KCTD8: variants seen among roughly 807,000 people sequenced by gnomAD.
The protein encoded by KCTD8 is BTB/POZ domain-containing protein KCTD8.
A neutral mutation model predicts 31.5 loss-of-function variants in KCTD8; 27 were observed. The ratio of observed to expected loss-of-function variants is 0.86; its 90% CI spans 0.63 to 1.18. The LOEUF is 1.18. Among genes scored for constraint, KCTD8 ranks in the 50% most tolerant of loss-of-function variants. KCTD8 has a pLI of 0.00. For synonymous variants in KCTD8, 290 were observed against 280.0 expected, an observed-to-expected ratio of 1.04 and a Z score of -0.36; for missense variants, 658 against 647.7, an observed-to-expected ratio of 1.02 and a Z score of -0.17.
intron 1 of KCTD8, among the ~76,000 whole-genome samples, chr4:44,375,052 A>G (rs1719885765): frequency 6.6e-6 from 1 of 152,192 alleles, no homozygotes; most frequent in South Asian, 2.1e-4. Context: ...ATAATTTTAA[A>G]GTATTATGAC....
At chr4:44,322,490 T>G (rs1373997570) in intron 1 of KCTD8, among the ~76,000 whole-genome samples, 1 of 152,090 alleles carries the variant, frequency 6.6e-6, no homozygotes. Context: ...TATAGTCTAG[T>G]AATTAATCCT....
chr4:44,424,450 T>G (rs187528872), intron 1 of KCTD8, among the ~76,000 whole-genome samples: 83 of 152,200 alleles, frequency 5.5e-4, no homozygotes, highest in African/African-American at 2.0e-3. Flanking sequence ...ACCTCTATAC[T>G]TAATGACAGA....
At chr4:44,249,944 A>T (rs1180146785) in intron 1 of KCTD8, among the ~76,000 whole-genome samples, 2 of 151,674 alleles carry the variant, frequency 1.3e-5, no homozygotes, top group Non-Finnish European at 2.9e-5. Flanking sequence ...TCATTCCCTT[A>T]CATGTACCTG....
At chr4:44,188,768 A>G (rs1280523527) in intron 1 of KCTD8, among the ~76,000 whole-genome samples, 1 of 152,202 alleles carries the variant, frequency 6.6e-6, no homozygotes, top group Non-Finnish European at 1.5e-5. Context: ...CAGAGGTTGG[A>G]GTGATGCAGC....
At chr4:44,268,606 C>T (rs1191336601) in intron 1 of KCTD8, among the ~76,000 whole-genome samples, 1 of 151,916 alleles carries the variant, frequency 6.6e-6, no homozygotes, top group Non-Finnish European at 1.5e-5. Context: ...GTCAAATTGT[C>T]CCTGTTTGCA....
At chr4:44,357,030 T>C (rs897327865) in intron 1 of KCTD8, among the ~76,000 whole-genome samples, 1 of 151,586 alleles carries the variant, frequency 6.6e-6, no homozygotes, top group East Asian at 1.9e-4. Context: ...TAAGATGTCA[T>C]GCCATTTCCC....
At chr4:44,303,405 T>C (rs955997746) in intron 1 of KCTD8, among the ~76,000 whole-genome samples, 3 of 152,260 alleles carry the variant, frequency 2.0e-5, no homozygotes, top group African/African-American at 7.2e-5. Context: ...GATCCTGTTA[T>C]TGGTCTATTC....
At chr4:44,225,007 G>C (rs570344504) in intron 1 of KCTD8, among the ~76,000 whole-genome samples, 59 of 152,110 alleles carry the variant, frequency 3.9e-4, no homozygotes, top group Non-Finnish European at 5.4e-4. Flanking sequence ...TTTAAGGGGG[G>C]TTGAGAAATA....
intron 1 of KCTD8, among the ~76,000 whole-genome samples, chr4:44,200,042 C>T (rs6853786): frequency 0.96 from 146,259 of 152,006 alleles, 70,428 homozygotes; most frequent in East Asian, 1. Context: ...TGCACACAAA[C>T]TAGAAAATTT....
chr4:44,447,906 C>T lies in KCTD8; in HGVS notation c.618G>A (p.Ser206=). 4 of 1,508,284 alleles carry T rather than the reference C, an allele frequency of 2.7e-6. No homozygotes were observed. The highest frequency in any genetic ancestry group is 2.7e-5 in the East Asian group (1 of 37,510). 93.4% of individuals were successfully genotyped at this position (1,508,284 alleles called of 1,614,324 possible). A position where few individuals can be genotyped will look rare whatever the true frequency, so the allele number is the denominator to read the frequency against. The change falls in exon 1 of 2, where the codon TCG becomes TCA. Residue 206 remains serine, a synonymous_variant. Coordinates refer to ENST00000360029, the MANE Select transcript of KCTD8 (RefSeq NM_198353.3). Reference sequence around the variant, plus strand: ...CCCGGTAGCCCAGCGTGAGGAAGCCCGAGCGCTTGTCCTGCGCGCCGCCGC... The same window carrying T: ...CCCGGTAGCCCAGCGTGAGGAAGCCTGAGCGCTTGTCCTGCGCGCCGCCGC... ...GGGGGAQDKR[S]GFLTLGYRGS... is the part of the protein sequence containing the mutation.
intron 1 of KCTD8, among the ~76,000 whole-genome samples, chr4:44,423,452 T>G (rs770782940): frequency 6.6e-6 from 1 of 152,140 alleles, no homozygotes; most frequent in Admixed American, 6.6e-5. Context: ...CAAGAGCTTC[T>G]TGGCAGTTCA....
intron 1 of KCTD8, among the ~76,000 whole-genome samples, chr4:44,325,834 T>C (rs1470747401): frequency 1.3e-5 from 2 of 151,906 alleles, no homozygotes; most frequent in African/African-American, 4.8e-5. Context: ...GGGGATATAA[T>C]CGAGCTAGTG....
At chr4:44,388,183 T>C (rs1489773162) in intron 1 of KCTD8, among the ~76,000 whole-genome samples, 3 of 151,726 alleles carry the variant, frequency 2.0e-5, no homozygotes, top group African/African-American at 7.2e-5. Context: ...TCAGAATGGC[T>C]ACTATTAAAA....
rs79457327 is a variant in KCTD8, at chr4:44,308,641, G to A, written c.962-133391C>T. Reference sequence around the variant, plus strand: ...ATGTACTATTAAATGAGAGTGACTAGGTGTAATCTATGCTCACATCTTATT... The same window carrying A: ...ATGTACTATTAAATGAGAGTGACTAAGTGTAATCTATGCTCACATCTTATT... On this transcript the variant is annotated intron_variant, in intron 1 of 1. Coordinates refer to ENST00000360029, the MANE Select transcript of KCTD8 (RefSeq NM_198353.3). 7.8e-3 allele frequency among the ~76,000 whole-genome samples: 1,189 copies of A among 152,050 alleles called. 15 individuals are homozygous for A. The highest frequency in any genetic ancestry group is 0.027 in the African/African-American group (1,108 of 41,486).
At chr4:44,282,757 A>C (rs1716935354) in intron 1 of KCTD8, among the ~76,000 whole-genome samples, 1 of 152,154 alleles carries the variant, frequency 6.6e-6, no homozygotes, top group African/African-American at 2.4e-5. Flanking sequence ...AGAAGATGAA[A>C]CCAGTCACAA....
At chr4:44,322,270 C>CT (rs1718315251) in intron 1 of KCTD8, among the ~76,000 whole-genome samples, 1 of 151,878 alleles carries the variant, frequency 6.6e-6, no homozygotes, top group Non-Finnish European at 1.5e-5. Flanking sequence ...TAATTGCTGT[C>CT]TTTTTTATAA....
intron 1 of KCTD8, among the ~76,000 whole-genome samples, chr4:44,404,200 T>G (rs1164405147): frequency 1.3e-5 from 2 of 152,196 alleles, no homozygotes; most frequent in Non-Finnish European, 2.9e-5. Flanking sequence ...TGAAAAGAAA[T>G]AGTCATATAT....
intron 1 of KCTD8, among the ~76,000 whole-genome samples, chr4:44,365,703 G>T (rs1272804722): frequency 6.6e-6 from 1 of 152,138 alleles, no homozygotes; most frequent in Non-Finnish European, 1.5e-5. Flanking sequence ...ACTTTTTGGA[G>T]GGCAGAGAAT....
intron 1 of KCTD8, among the ~76,000 whole-genome samples, chr4:44,188,511 T>C (rs1004976411): frequency 6.6e-6 from 1 of 152,168 alleles, no homozygotes; most frequent in African/African-American, 2.4e-5. Context: ...AAGATAAATG[T>C]GAGGAAGTCC....
Sources: allele counts gnomAD v4.1 joint callset (sites outside exome capture counted in the v4.1 genomes callset), GRCh38; gene constraint gnomAD v4.1.1; transcripts MANE v1.5; gene names NCBI Gene and HGNC (gene_info 2026-07-23, HGNC 2026-07-21).